LMLN: variants seen among roughly 807,000 people sequenced by gnomAD.
LMLN encodes the protein leishmanolysin-like peptidase.
Under a neutral mutation model 92.3 loss-of-function variants are expected in LMLN, and 70 were observed. The ratio of observed to expected loss-of-function variants is 0.76; its 90% CI spans 0.63 to 0.92. The LOEUF is 0.92. Ranked by LOEUF, LMLN falls within the 40% of genes least tolerant of loss-of-function variation. The pLI is 0.00. For missense variants in LMLN, 691 were observed against 814.6 expected (o/e 0.85, Z 1.85); for synonymous variants, 308 against 296.2 (o/e 1.04, Z -0.41).
chr3:197,961,240 A>G (rs1422481837), intron 1 of LMLN, among the ~76,000 whole-genome samples: 1 of 152,144 alleles, frequency 6.6e-6, no homozygotes. Flanking sequence ...TCCGTGGGAT[A>G]AGGTTTGTGT....
intron 1 of LMLN, among the ~76,000 whole-genome samples, chr3:197,964,694 G>A (rs551335467): frequency 6.7e-6 from 1 of 149,560 alleles, no homozygotes; most frequent in South Asian, 2.3e-4. Flanking sequence ...ACCACGCCCG[G>A]CCTAAAAAAG....
intron 10 of LMLN, among the ~76,000 whole-genome samples, chr3:197,997,854 CTG>C (rs983032321): frequency 2.4e-4 from 36 of 152,226 alleles, no homozygotes; most frequent in African/African-American, 7.7e-4. Context: ...CATAACAGTT[CTG>C]TGTTAATGAA....
chr3:198,011,869 A>T (rs1047648972), intron 11 of LMLN, among the ~76,000 whole-genome samples: 9 of 152,240 alleles, frequency 5.9e-5, no homozygotes, highest in African/African-American at 2.2e-4. Context: ...GCCAAAATTG[A>T]CAAATGGGAT....
chr3:197,974,380 A>G, exon 2 of LMLN: 1 of 1,562,772 alleles, frequency 6.4e-7, no homozygotes, highest in South Asian at 1.1e-5. Context: ...TTTTCAGGTC[A>G]TAAATAAAGT....
chr3:197,976,498 A>G, intron 4 of LMLN, 100 bp from the exon 5 acceptor site: 1 of 589,002 alleles, frequency 1.7e-6, no homozygotes, highest in Non-Finnish European at 3.0e-6. Flanking sequence ...AACATTATTA[A>G]TGAAGTAATA....
intron 1 of LMLN, among the ~76,000 whole-genome samples, chr3:197,961,928 C>A (rs1366401497): frequency 2.6e-5 from 4 of 152,290 alleles, no homozygotes; most frequent in African/African-American, 9.6e-5. Context: ...TAACACCTAG[C>A]TTTAAGGTTC....
At chr3:198,013,279 C>T (rs1722505638) in intron 11 of LMLN, among the ~76,000 whole-genome samples, 1 of 93,976 alleles carries the variant, frequency 1.1e-5, no homozygotes, top group Non-Finnish European at 1.9e-5. Flanking sequence ...CTTCTCTGTA[C>T]CCTTCAGAGC....
At chr3:197,975,451 A>AT (rs1721343036) in intron 3 of LMLN, among the ~76,000 whole-genome samples, 1 of 152,200 alleles carries the variant, frequency 6.6e-6, no homozygotes, top group South Asian at 2.1e-4. Flanking sequence ...ACCACATCAG[A>AT]TTTTTAACTG....
chr3:198,035,361 GTTT>G (rs10679322), intron 14 of LMLN, among the ~76,000 whole-genome samples: 7 of 117,702 alleles, frequency 5.9e-5, no homozygotes, highest in Admixed American at 1.8e-4. Flanking sequence ...CCCTCTTTTG[GTTT>G]TTTTTTTTTT....
intron 14 of LMLN, among the ~76,000 whole-genome samples, chr3:198,035,627 T>G (rs1723198587): frequency 6.6e-6 from 1 of 151,774 alleles, no homozygotes; most frequent in African/African-American, 2.4e-5. Flanking sequence ...TCCCAAAGAG[T>G]GGGATTACAG....
intron 3 of LMLN, 114 bp downstream of exon 3, chr3:197,975,186 T>TG (rs1245772598): frequency 3.3e-6 from 2 of 613,102 alleles, no homozygotes; most frequent in African/African-American, 3.9e-5. Flanking sequence ...TGAAAGGTGT[T>TG]GGTAGTGAAA....
At chr3:197,996,203 C>T (rs139783972) in exon 10 of LMLN, 17 of 1,579,214 alleles carry the variant, frequency 1.1e-5, no homozygotes, top group East Asian at 2.4e-5. Flanking sequence ...TTTGATTGTC[C>T]AGTTCTAGAG....
chr3:197,989,059 T>A (rs1458149927), intron 8 of LMLN, among the ~76,000 whole-genome samples: 1 of 152,324 alleles, frequency 6.6e-6, no homozygotes, highest in East Asian at 1.9e-4. Flanking sequence ...CTTGTAGATA[T>A]ATAGTTAGAG....
chr3:197,986,170 C>T (rs1015181674), intron 8 of LMLN, among the ~76,000 whole-genome samples: 1 of 152,160 alleles, frequency 6.6e-6, no homozygotes, highest in Non-Finnish European at 1.5e-5. Context: ...TCAAAAGCAT[C>T]AAACCTTCCG....
intron 1 of LMLN, among the ~76,000 whole-genome samples, chr3:197,972,391 T>C (rs1468927212): frequency 6.6e-6 from 1 of 152,200 alleles, no homozygotes; most frequent in Non-Finnish European, 1.5e-5. Flanking sequence ...TTAATTGTTA[T>C]ACTTTTAAGC....
chr3:198,007,630 C>G (rs964791941), intron 11 of LMLN, among the ~76,000 whole-genome samples: 1 of 152,182 alleles, frequency 6.6e-6, no homozygotes, highest in African/African-American at 2.4e-5. Flanking sequence ...TAGACTGATT[C>G]TTTCCACTAT....
chr3:198,020,760 A>ATTTTTTT (rs1182978109), intron 12 of LMLN, among the ~76,000 whole-genome samples: 1 of 90,746 alleles, frequency 1.1e-5, no homozygotes, highest in Non-Finnish European at 2.2e-5. Flanking sequence ...CACCCAGCTA[A>ATTTTTTT]TTTTTGTATT....
chr3:197,976,202 C>T, intron 4 of LMLN, 91 bp downstream of exon 4: 1 of 730,526 alleles, frequency 1.4e-6, no homozygotes, highest in Non-Finnish European at 2.3e-6. Context: ...GAAACTTATA[C>T]TAGAATTTTA....
At chr3:197,996,140 C>A in intron 9 of LMLN, 35 bp from the exon 10 acceptor site, 3 of 1,244,786 alleles carry the variant, frequency 2.4e-6, no homozygotes, top group Non-Finnish European at 3.4e-6. Flanking sequence ...TACTTTTGTA[C>A]CATATTTGTT....
Sources: allele counts gnomAD v4.1 joint callset (sites outside exome capture counted in the v4.1 genomes callset), GRCh38; gene constraint gnomAD v4.1.1; transcripts MANE v1.5; gene names NCBI Gene and HGNC (gene_info 2026-07-23, HGNC 2026-07-21).